TMEM266: variants seen among roughly 807,000 people sequenced by gnomAD.
TMEM266 encodes the protein transmembrane protein 266, also known as Hv1 related protein 1.
A neutral mutation model predicts 50.5 loss-of-function variants in TMEM266; 33 were observed. That is an observed-to-expected ratio of 0.65 (90% CI 0.50 to 0.87). The LOEUF is 0.87. Ranked by LOEUF, TMEM266 falls within the 40% of genes least tolerant of loss-of-function variation. The pLI is 0.00. For synonymous variants in TMEM266, 310 were observed against 292.3 expected (o/e 1.06, Z -0.62); for missense variants, 655 against 695.1 (o/e 0.94, Z 0.65).
chr15:76,197,518 CAGTCTT>C (rs1219175898), intron 9 of TMEM266, among the ~76,000 whole-genome samples: 6 of 152,226 alleles, frequency 3.9e-5, no homozygotes, highest in African/African-American at 1.4e-4. Flanking sequence ...GGTCCTGTCT[CAGTCTT>C]AGTGTTTTCA....
chr15:76,167,605 A>G, intron 5 of TMEM266, among the ~76,000 whole-genome samples: 1 of 151,894 alleles, frequency 6.6e-6, no homozygotes, highest in East Asian at 1.9e-4. Flanking sequence ...AGGTTCAAGC[A>G]ATTCTCCTGC....
intron 9 of TMEM266, among the ~76,000 whole-genome samples, chr15:76,193,188 G>A (rs2038607766): frequency 6.6e-6 from 1 of 152,156 alleles, no homozygotes; most frequent in South Asian, 2.1e-4. Context: ...AAGCTCTGAG[G>A]GCTGTAAGGC....
intron 3 of TMEM266, among the ~76,000 whole-genome samples, chr15:76,140,303 AAAAAC>A (rs2037658075): frequency 6.6e-6 from 1 of 152,224 alleles, no homozygotes; most frequent in Non-Finnish European, 1.5e-5. Context: ...GAAGCAAAGC[AAAAAC>A]ACACTGCGAG....
Position 76,192,062 on chromosome 15 carries a change from G to C in TMEM266, c.863G>C (p.Ser288Thr). ...GCGCTCCAGGCCCCGCACGTGCTCA[G>C]CCAGCCGCGCAGCCGCTTCAAAGTG... The change falls in exon 9 of 11, where the codon AGC (serine) becomes ACC (threonine). Residue 288 changes from serine (S) to threonine (T), a missense_variant. Ser to Thr is a moderately conservative substitution (Grantham distance 58). Transcript: ENST00000388942. The C allele has an allele frequency of 6.7e-7, 1 of 1,502,894 alleles. No homozygotes were observed. Among genetic ancestry groups the C allele is most frequent in the South Asian group, 1.3e-5 (1 of 77,756 alleles). The allele number at this position is 1,502,894 out of a possible 1,614,324, so 93.1% of individuals were successfully genotyped here.
At chr15:76,123,107 A>C (rs2037368111) in intron 1 of TMEM266, among the ~76,000 whole-genome samples, 1 of 152,244 alleles carries the variant, frequency 6.6e-6, no homozygotes, top group Admixed American at 6.5e-5. Context: ...TGGCTCACCT[A>C]GAGATGAAAG....
chr15:76,115,715 T>C (rs1207726035), intron 1 of TMEM266, among the ~76,000 whole-genome samples: 2 of 152,236 alleles, frequency 1.3e-5, no homozygotes, highest in Non-Finnish European at 1.5e-5. Flanking sequence ...TCACTTGGCC[T>C]GTAGGAAGTC....
At chr15:76,108,097 C>T (rs2037112900) in intron 1 of TMEM266, among the ~76,000 whole-genome samples, 2 of 152,260 alleles carry the variant, frequency 1.3e-5, no homozygotes. Flanking sequence ...CCTGCACAAA[C>T]AAGCAAAGCT....
chr15:76,137,753 C>G lies in TMEM266; in HGVS notation c.85C>G (p.Gln29Glu). Residue 29 changes from glutamine to glutamate, a missense_variant, in exon 3 of 11, where the codon CAA becomes GAA. Coordinates refer to ENST00000388942, the MANE Select transcript of TMEM266 (RefSeq NM_152335.3). ...TTCTGAAGTTGAGATCATCTCCCAA[C>G]AAGTAGACGAAGAAACCAAGAGCAT... The G allele has an allele frequency of 1.2e-6, 2 of 1,614,216 alleles. No individual in the cohort carries two copies. The highest frequency in any genetic ancestry group is 8.5e-7 in the Non-Finnish European group (1 of 1,180,034).
intron 8 of TMEM266, among the ~76,000 whole-genome samples, chr15:76,189,257 T>G (rs2469567): frequency 1 from 151,703 of 151,854 alleles, 75,776 homozygotes; most frequent in African/African-American, 1. Flanking sequence ...AGGAGGGAAG[T>G]AAGGAAGGGA....
chr15:76,117,059 C>T (rs187973601), intron 1 of TMEM266, among the ~76,000 whole-genome samples: 324 of 152,056 alleles, frequency 2.1e-3, no homozygotes, highest in Non-Finnish European at 3.4e-3. Flanking sequence ...GCCACCACGC[C>T]GGGCTAATTT....
chr15:76,116,565 G>A (rs1427955950), intron 1 of TMEM266, among the ~76,000 whole-genome samples: 1 of 151,936 alleles, frequency 6.6e-6, no homozygotes, highest in Admixed American at 6.6e-5. Context: ...CCGGAGTGGG[G>A]GTTGCGGACC....
intron 1 of TMEM266, among the ~76,000 whole-genome samples, chr15:76,065,101 A>C (rs1467123648): frequency 6.6e-6 from 1 of 152,242 alleles, no homozygotes; most frequent in African/African-American, 2.4e-5. Context: ...CATGACTCCT[A>C]AAATTTGTTA....
intron 1 of TMEM266, among the ~76,000 whole-genome samples, chr15:76,078,054 G>A (rs917927304): frequency 1.3e-5 from 2 of 152,112 alleles, no homozygotes; most frequent in African/African-American, 4.8e-5. Context: ...GAAAAACTGT[G>A]TGGATGGTAG....
At chr15:76,156,527 G>C in intron 3 of TMEM266, 77 bp from the exon 4 acceptor site, 2 of 1,504,634 alleles carry the variant, frequency 1.3e-6, no homozygotes, top group Non-Finnish European at 1.8e-6. Flanking sequence ...GGGTTTGAGA[G>C]CAGGGCTTTG....
Position 76,204,381 on chromosome 15 carries a change from G to A in TMEM266, c.*66G>A. The A allele has an allele frequency of 6.8e-7, 1 of 1,464,392 alleles. No individual in the cohort carries two copies. Among genetic ancestry groups the A allele is most frequent in the South Asian group, 1.4e-5 (1 of 73,914 alleles). 90.7% of individuals were successfully genotyped at this position (1,464,392 alleles called of 1,614,324 possible). On this transcript the variant is annotated 3_prime_UTR_variant, in exon 11 of 11. Transcript: ENST00000388942. ...CTCAAAGCTCTCCTGGGACCCTGGA[G>A]GCTGCCAAGGGCCACACGCGGGGCC... is the stretch of plus-strand genomic sequence containing the variant.
At chr15:76,069,386 T>C (rs565303381) in intron 1 of TMEM266, among the ~76,000 whole-genome samples, 1 of 152,220 alleles carries the variant, frequency 6.6e-6, no homozygotes, top group East Asian at 1.9e-4. Flanking sequence ...TCTCTTTGGT[T>C]GAGTTGTAAA....
chr15:76,132,111 C>G (rs951414797), intron 1 of TMEM266, among the ~76,000 whole-genome samples: 1 of 143,402 alleles, frequency 7.0e-6, no homozygotes, highest in African/African-American at 2.8e-5. Flanking sequence ...TTTACCAATC[C>G]AATTTTTTTT....
rs183651769 is a variant in TMEM266, at chr15:76,124,916, A to G, written c.-96-9252A>G. Among the ~76,000 whole-genome samples the G allele has an allele frequency of 8.1e-4, 123 of 152,350 alleles. 1 individual carries two copies. Among genetic ancestry groups the G allele is most frequent in the Admixed American group, 5.3e-3 (81 of 15,308 alleles). On this transcript the variant is annotated intron_variant, in intron 1 of 10. Transcript: ENST00000388942. ...ACTTTGAGCAAGAAGAAAAAAAGCC[A>G]GAGGCAGCACACTTTCTGATTTAAG...
intron 9 of TMEM266, among the ~76,000 whole-genome samples, chr15:76,200,793 CTGA>C (rs2038733932): frequency 6.6e-6 from 1 of 152,196 alleles, no homozygotes; most frequent in Non-Finnish European, 1.5e-5. Context: ...GTGTAGCTGG[CTGA>C]TGAGGAGCAG....
Sources: allele counts gnomAD v4.1 joint callset (sites outside exome capture counted in the v4.1 genomes callset), GRCh38; gene constraint gnomAD v4.1.1; transcripts MANE v1.5; gene names NCBI Gene and HGNC (gene_info 2026-07-23, HGNC 2026-07-21).